The following GATAD2A variants were observed in gnomAD, a reference collection of about 807,000 sequenced individuals.
The protein encoded by GATAD2A is GATA zinc finger domain containing 2A, also known as transcriptional repressor p66-alpha.
Under a neutral mutation model 68.5 loss-of-function variants are expected in GATAD2A, and 12 were observed. That is an observed-to-expected ratio of 0.18 (90% CI 0.11 to 0.28). The LOEUF (loss-of-function observed/expected upper bound fraction) is 0.28. Ranked by LOEUF, GATAD2A falls within the 10% of genes least tolerant of loss-of-function variation. GATAD2A has a pLI of 1.00. For missense variants in GATAD2A, 755 were observed against 868.5 expected (o/e 0.87, Z 1.64); for synonymous variants, 410 against 375.3 (o/e 1.09, Z -1.07).
intron 2 of GATAD2A, chr19:19,473,955 A>G: frequency 2.6e-6 from 2 of 773,164 alleles, no homozygotes; most frequent in Non-Finnish European, 3.1e-6. Flanking sequence ...CAAAAAAACA[A>G]AAACAACACA....
chr19:19,414,530 CTTTTTTTTT>C (rs758728889), intron 1 of GATAD2A, among the ~76,000 whole-genome samples: 10 of 70,210 alleles, frequency 1.4e-4, no homozygotes, highest in Non-Finnish European at 1.9e-4. Context: ...AGGGCCTTGT[CTTTTTTTTT>C]TTTTTTTTTT....
intron 1 of GATAD2A, among the ~76,000 whole-genome samples, chr19:19,451,066 G>A (rs1023624801): frequency 1.3e-5 from 2 of 148,862 alleles, no homozygotes; most frequent in Admixed American, 1.3e-4. Context: ...CACCGCACCC[G>A]GCCGAGATTC....
intron 2 of GATAD2A, among the ~76,000 whole-genome samples, chr19:19,491,329 A>G (rs916046951): frequency 3.3e-5 from 5 of 152,198 alleles, no homozygotes; most frequent in African/African-American, 1.2e-4. Flanking sequence ...CCCAACTGGT[A>G]GTGAGATGCC....
At chr19:19,431,553 G>A (rs1386389961) in intron 1 of GATAD2A, among the ~76,000 whole-genome samples, 1 of 151,432 alleles carries the variant, frequency 6.6e-6, no homozygotes, top group Non-Finnish European at 1.5e-5. Flanking sequence ...AATTAGCTGG[G>A]CGTGGTGGTG....
At chr19:19,497,657 G>A (rs1220391605) in intron 7 of GATAD2A, among the ~76,000 whole-genome samples, 1 of 152,186 alleles carries the variant, frequency 6.6e-6, no homozygotes, top group African/African-American at 2.4e-5. Context: ...CACACCCTGT[G>A]CCCCACAGTG....
chr19:19,496,365 G>A, intron 7 of GATAD2A, 146 bp downstream of exon 7: 1 of 737,154 alleles, frequency 1.4e-6, no homozygotes. Context: ...GCAGGGGCTT[G>A]GACTTGAGCT....
intron 1 of GATAD2A, among the ~76,000 whole-genome samples, chr19:19,446,483 GTTT>G (rs34271697): frequency 6.9e-6 from 1 of 144,030 alleles, no homozygotes; most frequent in Admixed American, 6.9e-5. Flanking sequence ...TTCTATGGGT[GTTT>G]TTTTTTTTAT....
At chr19:19,429,411 T>C (rs1452105963) in intron 1 of GATAD2A, among the ~76,000 whole-genome samples, 1 of 151,954 alleles carries the variant, frequency 6.6e-6, no homozygotes, top group Admixed American at 6.5e-5. Flanking sequence ...GGCCAGGTGG[T>C]TGGAGCGGGA....
chr19:19,386,307 C>T (rs866959310), intron 1 of GATAD2A, among the ~76,000 whole-genome samples: 5 of 151,958 alleles, frequency 3.3e-5, no homozygotes, highest in Middle Eastern at 3.2e-3. Context: ...CAGGGGACCC[C>T]CGCCTCTCTA....
At chr19:19,441,128 C>G (rs139508959) in intron 1 of GATAD2A, among the ~76,000 whole-genome samples, 3 of 151,810 alleles carry the variant, frequency 2.0e-5, no homozygotes, top group Non-Finnish European at 4.4e-5. Flanking sequence ...CTGCAACCTC[C>G]GCCTTCACGT....
intron 1 of GATAD2A, among the ~76,000 whole-genome samples, chr19:19,419,063 T>G (rs2052006862): frequency 6.6e-6 from 1 of 152,098 alleles, no homozygotes; most frequent in African/African-American, 2.4e-5. Flanking sequence ...TCCACCATCC[T>G]TGAATTCAGT....
chr19:19,458,061 G>C (rs549171379), intron 1 of GATAD2A, among the ~76,000 whole-genome samples: 2 of 152,176 alleles, frequency 1.3e-5, no homozygotes, highest in Non-Finnish European at 2.9e-5. Context: ...GACTAGGCTG[G>C]GGTCCATCCT....
intron 1 of GATAD2A, among the ~76,000 whole-genome samples, chr19:19,420,498 A>T (rs1600077537): frequency 3.2e-5 from 4 of 126,314 alleles, no homozygotes; most frequent in East Asian, 2.4e-4. Context: ...CGCCTGGCCA[A>T]TTTTTTTTTT....
intron 1 of GATAD2A, among the ~76,000 whole-genome samples, chr19:19,397,883 G>A (rs1003859607): frequency 6.6e-6 from 1 of 151,978 alleles, no homozygotes; most frequent in African/African-American, 2.4e-5. Flanking sequence ...TATCATGCCA[G>A]GCTAATTTTA....
chr19:19,435,010 T>A, intron 1 of GATAD2A: 2 of 472,818 alleles, frequency 4.2e-6, no homozygotes, highest in South Asian at 3.1e-5. Flanking sequence ...GACAACATGA[T>A]GGTGAGGAGG....
intron 1 of GATAD2A, among the ~76,000 whole-genome samples, chr19:19,438,838 C>G (rs535886872): frequency 6.6e-6 from 1 of 152,208 alleles, no homozygotes; most frequent in Non-Finnish European, 1.5e-5. Context: ...AAGCCACCCC[C>G]GAATAATTAT....
rs903895241 is a variant in GATAD2A at position 19,494,506 on chromosome 19, G to C, written c.624+123G>C. The C allele has an allele frequency of 2.6e-5, 16 of 610,582 alleles. No homozygotes were observed. The Admixed American group carries it at 4.5e-4, about 17-fold the overall frequency. The allele number at this position is 610,582 out of a possible 1,614,324, so 37.8% of individuals were successfully genotyped here. On this transcript the variant is annotated intron_variant, in intron 5 of 11. Coordinates refer to ENST00000683918, the MANE Select transcript of GATAD2A (RefSeq NM_001384528.1). ...GCAAGAGGTTGCGCTTTCCTTCTGA[G>C]TAGGCTGGAGTGAGGCCCTCCAGCC... is the stretch of plus-strand genomic sequence containing the variant.
intron 5 of GATAD2A, 105 bp from the exon 6 acceptor site, chr19:19,495,649 A>C (rs930435678): frequency 6.3e-5 from 67 of 1,061,722 alleles, no homozygotes; most frequent in Non-Finnish European, 7.6e-5. Flanking sequence ...AAAAAAAAAA[A>C]AAAAAACTAG....
chr19:19,437,220 C>G (rs1430495543), intron 1 of GATAD2A, among the ~76,000 whole-genome samples: 1 of 152,180 alleles, frequency 6.6e-6, no homozygotes, highest in Non-Finnish European at 1.5e-5. Flanking sequence ...GCCTCAAACT[C>G]CTGGGCTCAA....
Sources: allele counts gnomAD v4.1 joint callset (sites outside exome capture counted in the v4.1 genomes callset), GRCh38; gene constraint gnomAD v4.1.1; transcripts MANE v1.5; gene names NCBI Gene and HGNC (gene_info 2026-07-23, HGNC 2026-07-21).